Variants in VGLL2 observed in about 807,000 individuals in gnomAD.
VGLL2 encodes vestigial like family member 2.
In VGLL2, 18 loss-of-function variants were observed where a neutral mutation model predicts 27.0. The observed-to-expected ratio is 0.67, with a 90% CI of 0.46 to 0.99. The LOEUF (loss-of-function observed/expected upper bound fraction) is 0.99. Among genes scored for constraint, VGLL2 ranks in the 50% least tolerant of loss-of-function variants. VGLL2 has a pLI of 0.00. For synonymous variants in VGLL2, 220 were observed against 201.1 expected (o/e 1.09, Z -0.80); for missense variants, 491 against 452.3 (o/e 1.09, Z -0.78).
At position 117,272,539 on chromosome 6, in the gene VGLL2, C is replaced by T. The variant is rs755453652; in HGVS notation, c.*45C>T. The T allele has an allele frequency of 6.2e-7, 1 of 1,613,504 alleles. No individual in the cohort carries two copies. Among genetic ancestry groups the T allele is most frequent in the African/African-American group, 1.3e-5 (1 of 75,024 alleles). ...CCCTTCCCCTTCCCTTCTGACCAGC[C>T]TTGGAGGCTCAGCATCTGTGCCTCT... is the stretch of plus-strand genomic sequence containing the variant. On this transcript the variant is annotated 3_prime_UTR_variant, in exon 4 of 4. Transcript: ENST00000326274.
At position 117,265,844 on chromosome 6, in the gene VGLL2, G is replaced by C; in HGVS notation, c.81G>C (p.Gln27His). 6.2e-7 allele frequency: 1 copy of C among 1,613,948 alleles called. No homozygotes were observed. The highest frequency in any genetic ancestry group is 8.5e-7 in the Non-Finnish European group (1 of 1,179,812). Residue 27 changes from glutamine to histidine, a missense_variant and splice_region_variant, in exon 1 of 4, where the codon CAG becomes CAC. Coordinates refer to ENST00000326274, the MANE Select transcript of VGLL2 (RefSeq NM_182645.3). ...CAGCCGCCTACACCCCCTACCACCA[G>C]GTACGTGTCTCCTCTGGGGACTTTG... is the stretch of plus-strand genomic sequence containing the variant. ...YFAAAYTPYHQKLAYYSKMQE... is the reference protein window; with the variant it reads ...YFAAAYTPYHHKLAYYSKMQE...
rs898587246 is a variant in VGLL2, at chr6:117,273,485, AG to A, written c.*995del. 10 of 152,310 alleles carry A rather than the reference AG, an allele frequency of 6.6e-5. No homozygotes were observed. The highest frequency in any genetic ancestry group is 9.6e-5 in the African/African-American group (4 of 41,566). 9.4% of individuals were successfully genotyped at this position (152,310 alleles called of 1,614,324 possible). On this transcript the variant is annotated 3_prime_UTR_variant, in exon 4 of 4. Transcript: ENST00000326274. Reference sequence around the variant, plus strand: ...GATTTGGTCACTTTAGTGTTGGGACAGGGGAAAGGGTCTGTGCGTGGGCAAA... The same window carrying A: ...GATTTGGTCACTTTAGTGTTGGGACAGGGAAAGGGTCTGTGCGTGGGCAAA...
Position 117,265,708 on chromosome 6 carries a change from C to G in VGLL2, c.-56C>G. On this transcript the variant is annotated 5_prime_UTR_variant, in exon 1 of 4. Coordinates refer to ENST00000326274, the MANE Select transcript of VGLL2 (RefSeq NM_182645.3). Reference sequence around the variant, plus strand: ...GCGCCGCCCATGCAGCACCCCTGAGCTCCGGGGAAGGAGAGTTAATGAAAA... The same window carrying G: ...GCGCCGCCCATGCAGCACCCCTGAGGTCCGGGGAAGGAGAGTTAATGAAAA... 6.6e-7 allele frequency: 1 copy of G among 1,516,448 alleles called. No homozygotes were observed. The highest frequency in any genetic ancestry group is 2.3e-5 in the East Asian group (1 of 44,322). The allele number at this position is 1,516,448 out of a possible 1,614,324, so 93.9% of individuals were successfully genotyped here.
intron 1 of VGLL2, among the ~76,000 whole-genome samples, chr6:117,267,795 C>A (rs1773098388): frequency 6.6e-6 from 1 of 152,212 alleles, no homozygotes; most frequent in Admixed American, 6.5e-5. Context: ...TCTATCTGGA[C>A]TTGGGTGCCC....
chr6:117,268,321 G>A lies in VGLL2; in HGVS notation c.221G>A (p.Arg74His), dbSNP rs765575571. The A allele has an allele frequency of 1.3e-5, 21 of 1,614,016 alleles. No homozygotes were observed. Among genetic ancestry groups the A allele is most frequent in the East Asian group, 6.7e-5 (3 of 44,888 alleles). Residue 74 changes from arginine to histidine, a missense_variant, in exon 2 of 4, where the codon CGC becomes CAC. By Grantham distance (29) the Arg-to-His change is conservative (BLOSUM62 0). Transcript: ENST00000326274. Reference sequence around the variant, plus strand: ...GAAGAAGGCAGCCCAGAGAAAGAGCGCCCACCAGAGGCAGAGTACATCAAC... The same window carrying A: ...GAAGAAGGCAGCCCAGAGAAAGAGCACCCACCAGAGGCAGAGTACATCAAC... ...KEEEGSPEKE[R>H]PPEAEYINSR...
intron 3 of VGLL2, among the ~76,000 whole-genome samples, chr6:117,271,402 C>G (rs1005365312): frequency 2.0e-5 from 3 of 151,346 alleles, no homozygotes; most frequent in Admixed American, 2.0e-4. Flanking sequence ...AGCCGCTAGC[C>G]ACTTGGGGCT....
intron 1 of VGLL2, among the ~76,000 whole-genome samples, chr6:117,266,765 A>G (rs1384361297): frequency 1.3e-5 from 2 of 152,176 alleles, no homozygotes; most frequent in East Asian, 1.9e-4. Flanking sequence ...GAGCTTGGTC[A>G]CCTGCTTTGG....
chr6:117,267,604 T>C (rs1773094027), intron 1 of VGLL2, among the ~76,000 whole-genome samples: 1 of 152,254 alleles, frequency 6.6e-6, no homozygotes, highest in East Asian at 1.9e-4. Flanking sequence ...ATGTAATTAT[T>C]TCAAACTTTT....
intron 1 of VGLL2, among the ~76,000 whole-genome samples, chr6:117,267,832 A>C (rs1482830172): frequency 2.0e-5 from 3 of 152,204 alleles, no homozygotes; most frequent in African/African-American, 7.2e-5. Context: ...GATTTTAAAA[A>C]TATATCTGCC....
chr6:117,268,355 C>G lies in VGLL2; in HGVS notation c.255C>G (p.Cys85Trp). ...AGGCAGAGTACATCAACTCCCGCTGCGTCCTCTTCACTTATTTCCAGGGGG... is the reference window on the plus strand; with the variant it reads ...AGGCAGAGTACATCAACTCCCGCTGGGTCCTCTTCACTTATTTCCAGGGGG... ...PPEAEYINSRCVLFTYFQGDI... is the reference protein window; with the variant it reads ...PPEAEYINSRWVLFTYFQGDI... The change falls in exon 2 of 4, where the codon TGC (cysteine) becomes TGG (tryptophan). Residue 85 changes from cysteine (C) to tryptophan (W), a missense_variant. Physicochemically the swap from Cys to Trp is radical, Grantham distance 215. Coordinates refer to ENST00000326274, the MANE Select transcript of VGLL2 (RefSeq NM_182645.3). 1 of 1,614,104 alleles carries G rather than the reference C, an allele frequency of 6.2e-7. No homozygotes were observed. The highest frequency in any genetic ancestry group is 8.5e-7 in the Non-Finnish European group (1 of 1,180,014).
At chr6:117,268,013 C>A (rs975448068) in intron 1 of VGLL2, among the ~76,000 whole-genome samples, 169 bp from the exon 2 acceptor site, 1 of 152,154 alleles carries the variant, frequency 6.6e-6, no homozygotes, top group Non-Finnish European at 1.5e-5. Flanking sequence ...GGGAGGCCTG[C>A]TAACTATGTT....
Position 117,268,215 on chromosome 6 carries a change from C to A in VGLL2, c.115C>A (p.Gln39Lys). ...LAYYSKMQEA[Q>K]ECNASPSSSG... ...CTATTATTCCAAAATGCAGGAAGCG[C>A]AGGAGTGCAATGCCAGCCCCAGCAG... Residue 39 changes from glutamine to lysine, a missense_variant, in exon 2 of 4, where the codon CAG (glutamine) becomes AAG (lysine). By Grantham distance (53) the Gln-to-Lys change is moderately conservative (BLOSUM62 1). Coordinates refer to ENST00000326274, the MANE Select transcript of VGLL2 (RefSeq NM_182645.3). The A allele has an allele frequency of 6.2e-7, 1 of 1,614,186 alleles. No homozygotes were observed.
In VGLL2 at chr6:117,272,945, A is replaced by T. The variant is rs1322387062; in HGVS notation, c.*451A>T. On this transcript the variant is annotated 3_prime_UTR_variant, in exon 4 of 4. Transcript: ENST00000326274. Reference sequence around the variant, plus strand: ...GTGGTAGAGAAGTAAAGAGAAGTCAATTCCTTCTTCCTCACCTCTCAGCCT... The same window carrying T: ...GTGGTAGAGAAGTAAAGAGAAGTCATTTCCTTCTTCCTCACCTCTCAGCCT... 4.9e-5 allele frequency: 8 copies of T among 162,722 alleles called. No individual in the cohort carries two copies. Among genetic ancestry groups the T allele is most frequent in the African/African-American group, 1.9e-4 (8 of 41,604 alleles). The allele number at this position is 162,722 out of a possible 1,614,324, so 10.1% of individuals were successfully genotyped here.
At position 117,268,222 on chromosome 6, in the gene VGLL2, G is replaced by T; in HGVS notation, c.122G>T (p.Cys41Phe). ...TCCAAAATGCAGGAAGCGCAGGAGT[G>T]CAATGCCAGCCCCAGCAGCAGTGGC... ...YYSKMQEAQE[C>F]NASPSSSGSG... The change falls in exon 2 of 4, where the codon TGC becomes TTC. Residue 41 changes from cysteine to phenylalanine, a missense_variant. Coordinates refer to ENST00000326274, the MANE Select transcript of VGLL2 (RefSeq NM_182645.3). 6.2e-7 allele frequency: 1 copy of T among 1,614,170 alleles called. No homozygotes were observed. The highest frequency in any genetic ancestry group is 8.5e-7 in the Non-Finnish European group (1 of 1,180,042).
rs951237342 is a variant in VGLL2, at chr6:117,272,880, T to C, written c.*386T>C. 9.4e-5 allele frequency: 22 copies of C among 233,948 alleles called. No homozygotes were observed. Among genetic ancestry groups the C allele is most frequent in the Non-Finnish European group, 1.5e-4 (18 of 120,680 alleles). 14.5% of individuals were successfully genotyped at this position (233,948 alleles called of 1,614,324 possible). On this transcript the variant is annotated 3_prime_UTR_variant, in exon 4 of 4. Coordinates refer to ENST00000326274, the MANE Select transcript of VGLL2 (RefSeq NM_182645.3). ...GGTAGTGTGATTATAGCACTACTAC[T>C]GTCAGATTTTAAATTGTATGTGTAC...
chr6:117,265,582 G>C lies in VGLL2; in HGVS notation c.-182G>C. Reference sequence around the variant, plus strand: ...CGCTTCTGCCCTGGAGCGCGGTCGGGAGTAAAATCGCAGGAGTGGGAGGGT... The same window carrying C: ...CGCTTCTGCCCTGGAGCGCGGTCGGCAGTAAAATCGCAGGAGTGGGAGGGT... On this transcript the variant is annotated 5_prime_UTR_variant, in exon 1 of 4. Transcript: ENST00000326274. 3 of 612,952 alleles carry C rather than the reference G, an allele frequency of 4.9e-6. No individual in the cohort carries two copies. The highest frequency in any genetic ancestry group is 8.8e-6 in the Non-Finnish European group (3 of 339,974). The allele number at this position is 612,952 out of a possible 1,614,324, so 38.0% of individuals were successfully genotyped here.
At chr6:117,272,191 T>A in intron 3 of VGLL2, 2 of 454,718 alleles carry the variant, frequency 4.4e-6, no homozygotes, top group Non-Finnish European at 5.8e-6. Flanking sequence ...GTCTTCCTCC[T>A]CCTCCTCTTC....
chr6:117,268,067 C>G (rs1276374652), intron 1 of VGLL2, 115 bp from the exon 2 acceptor site: 2 of 1,104,136 alleles, frequency 1.8e-6, no homozygotes, highest in Non-Finnish European at 1.3e-6. Flanking sequence ...AAGGCTTAAG[C>G]CCATATGCCA....
Position 117,270,900 on chromosome 6 carries a change from G to T in VGLL2, c.749G>T (p.Arg250Leu). The T allele has an allele frequency of 7.9e-7, 1 of 1,266,128 alleles. No homozygotes were observed. Among genetic ancestry groups the T allele is most frequent in the Non-Finnish European group, 9.9e-7 (1 of 1,010,336 alleles). 78.4% of individuals were successfully genotyped at this position (1,266,128 alleles called of 1,614,324 possible). A position where few individuals can be genotyped will look rare whatever the true frequency, so the allele number is the denominator to read the frequency against. Residue 250 changes from arginine (R) to leucine (L), a missense_variant, in exon 3 of 4, where the codon CGC becomes CTC. Arg to Leu is a moderately radical substitution (Grantham distance 102, BLOSUM62 -2). Transcript: ENST00000326274. ...CTGCTGATGCCAGCCGCCTCGGGGCGCCCGGCCCGCCTCGCAACCGCCCCG... is the reference window on the plus strand; with the variant it reads ...CTGCTGATGCCAGCCGCCTCGGGGCTCCCGGCCCGCCTCGCAACCGCCCCG... ...GPLLMPAASGRPARLATAPAP... is the reference protein window; with the variant it reads ...GPLLMPAASGLPARLATAPAP...
Sources: allele counts gnomAD v4.1 joint callset (sites outside exome capture counted in the v4.1 genomes callset), GRCh38; gene constraint gnomAD v4.1.1; transcripts MANE v1.5; gene names NCBI Gene and HGNC (gene_info 2026-07-23, HGNC 2026-07-21).